TOX3: variants seen among roughly 807,000 people sequenced by gnomAD.
TOX3 encodes TOX high mobility group box family member 3.
In TOX3, 22 loss-of-function variants were observed where a neutral mutation model predicts 64.3. The ratio of observed to expected loss-of-function variants is 0.34; its 90% CI spans 0.24 to 0.49. TOX3 has a LOEUF of 0.49. Ranked by LOEUF, TOX3 falls within the 20% of genes least tolerant of loss-of-function variation. The probability of loss-of-function intolerance (pLI) is 0.99; values close to 1 mark genes in which losing one functional copy is unlikely to be tolerated. For missense variants in TOX3, 661 were observed against 714.4 expected (o/e 0.93, Z 0.85); for synonymous variants, 291 against 273.6 (o/e 1.06, Z -0.63).
chr16:52,440,791 C>G (rs1280398357), intron 6 of TOX3, among the ~76,000 whole-genome samples: 1 of 107,300 alleles, frequency 9.3e-6, no homozygotes, highest in Non-Finnish European at 1.7e-5. Flanking sequence ...GGTGGAGTCT[C>G]TCTCTGTCAC....
chr16:52,470,011 T>C (rs1284551469), intron 1 of TOX3, among the ~76,000 whole-genome samples: 2 of 152,176 alleles, frequency 1.3e-5, no homozygotes, highest in Non-Finnish European at 2.9e-5. Context: ...TTTAGGTAAA[T>C]ATCTTTATAA....
At chr16:52,481,123 T>A (rs1202171678) in intron 1 of TOX3, among the ~76,000 whole-genome samples, 3 of 152,218 alleles carry the variant, frequency 2.0e-5, no homozygotes, top group Non-Finnish European at 4.4e-5. Context: ...TATTTTACAA[T>A]AAATATTACA....
chr16:52,532,632 G>C (rs1293196109), intron 1 of TOX3, among the ~76,000 whole-genome samples: 3 of 152,192 alleles, frequency 2.0e-5, no homozygotes, highest in Admixed American at 1.3e-4. Flanking sequence ...ACAAAGTTTA[G>C]AGGCGGTTTA....
intron 1 of TOX3, among the ~76,000 whole-genome samples, chr16:52,477,073 T>C (rs1961228243): frequency 6.6e-6 from 1 of 152,206 alleles, no homozygotes; most frequent in Non-Finnish European, 1.5e-5. Context: ...GATCCCATCA[T>C]CTAGGTACTG....
At chr16:52,451,784 C>G (rs1960358456) in intron 3 of TOX3, among the ~76,000 whole-genome samples, 1 of 152,140 alleles carries the variant, frequency 6.6e-6, no homozygotes, top group African/African-American at 2.4e-5. Flanking sequence ...TTATGGTCTA[C>G]CCATACGTCA....
rs1959909217 is a variant in TOX3 at position 52,439,973 on chromosome 16, A to AT, written c.988-6dup. 6.5e-7 allele frequency: 1 copy of AT among 1,529,458 alleles called. No homozygotes were observed. Among genetic ancestry groups the AT allele is most frequent in the East Asian group, 2.3e-5 (1 of 44,108 alleles). 94.7% of individuals were successfully genotyped at this position (1,529,458 alleles called of 1,614,324 possible). A position where few individuals can be genotyped will look rare whatever the true frequency, so the allele number is the denominator to read the frequency against. On this transcript the variant is annotated splice_polypyrimidine_tract_variant and splice_region_variant and intron_variant, in intron 6 of 6. Transcript: ENST00000219746. ...TTCTGCTGACTCAGCAGCAGCCTGC[A>AT]TTTTGGGGGAGAAAATTCCAGACTG...
intron 4 of TOX3, among the ~76,000 whole-genome samples, chr16:52,446,732 T>G (rs1960175422): frequency 1.3e-5 from 2 of 152,162 alleles, no homozygotes; most frequent in African/African-American, 4.8e-5. Flanking sequence ...ACTTTGCTAA[T>G]GGCTCTCCAG....
chr16:52,536,889 G>A (rs1363125007), intron 1 of TOX3, among the ~76,000 whole-genome samples: 1 of 150,886 alleles, frequency 6.6e-6, no homozygotes, highest in Non-Finnish European at 1.5e-5. Flanking sequence ...ATACACATGT[G>A]TGCACATATT....
chr16:52,497,709 A>G (rs143422755), intron 1 of TOX3, among the ~76,000 whole-genome samples: 23 of 152,260 alleles, frequency 1.5e-4, no homozygotes, highest in African/African-American at 3.1e-4. Context: ...TAATAGCCCA[A>G]TGTTCAGATT....
At position 52,462,106 on chromosome 16, in the gene TOX3, T is replaced by A. The variant is rs141619678; in HGVS notation, c.408+1828A>T. On this transcript the variant is annotated intron_variant, in intron 3 of 6. Transcript: ENST00000219746. ...AAGCCAAAATAAATATCACTCAGGT[T>A]CAGCAAAACTTCAAAAAGGCACCAA... 9.9e-5 allele frequency among the ~76,000 whole-genome samples: 15 copies of A among 152,236 alleles called. No individual in the cohort carries two copies. In the East Asian group the frequency reaches 2.7e-3, roughly 27 times the overall value.
chr16:52,538,970 T>C (rs995260990), intron 1 of TOX3, among the ~76,000 whole-genome samples: 1 of 147,720 alleles, frequency 6.8e-6, no homozygotes, highest in Non-Finnish European at 1.5e-5. Context: ...AGGATTTTTC[T>C]TTTTTTTTTA....
intron 1 of TOX3, among the ~76,000 whole-genome samples, chr16:52,476,720 C>T (rs533254772): frequency 5.3e-5 from 8 of 152,182 alleles, no homozygotes; most frequent in African/African-American, 1.7e-4. Flanking sequence ...AAAGCCTTAC[C>T]AACACTTAAC....
intron 1 of TOX3, among the ~76,000 whole-genome samples, chr16:52,521,863 T>C (rs1300056691): frequency 6.6e-6 from 1 of 152,210 alleles, no homozygotes; most frequent in Non-Finnish European, 1.5e-5. Context: ...GTGACTCTCA[T>C]GCTCAGTGAA....
intron 1 of TOX3, among the ~76,000 whole-genome samples, chr16:52,499,314 G>A (rs1459570066): frequency 6.6e-6 from 1 of 152,214 alleles, no homozygotes; most frequent in African/African-American, 2.4e-5. Context: ...GCAAAACCCA[G>A]TCCTTGCAAA....
intron 1 of TOX3, among the ~76,000 whole-genome samples, chr16:52,510,759 C>CA (rs71376169): frequency 0.2 from 14,475 of 72,004 alleles, 2,189 homozygotes; most frequent in Non-Finnish European, 0.28. Context: ...GACCCTGTCT[C>CA]AAAAAAAAAA....
At chr16:52,467,266 A>G (rs1960897031) in intron 2 of TOX3, among the ~76,000 whole-genome samples, 1 of 152,106 alleles carries the variant, frequency 6.6e-6, no homozygotes, top group African/African-American at 2.4e-5. Flanking sequence ...GGGAAAAAAA[A>G]ATCCTACAGA....
At chr16:52,457,101 C>G (rs931959458) in intron 3 of TOX3, among the ~76,000 whole-genome samples, 6 of 152,118 alleles carry the variant, frequency 3.9e-5, no homozygotes, top group Non-Finnish European at 5.9e-5. Context: ...TGAGAAAACT[C>G]TACATATTTA....
At chr16:52,455,297 G>A (rs1330537615) in intron 3 of TOX3, among the ~76,000 whole-genome samples, 1 of 151,890 alleles carries the variant, frequency 6.6e-6, no homozygotes, top group Non-Finnish European at 1.5e-5. Context: ...ATCCTTTGTT[G>A]GGGGAGGGGC....
intron 1 of TOX3, among the ~76,000 whole-genome samples, chr16:52,469,098 T>G (rs549643396): frequency 5.9e-5 from 9 of 152,294 alleles, no homozygotes; most frequent in African/African-American, 2.2e-4. Context: ...AAGAATATTT[T>G]TAAAATCTCC....
Sources: gnomAD v4.1 joint callset for allele counts (sites outside exome capture counted in the v4.1 genomes callset) on GRCh38, gnomAD v4.1.1 for gene constraint, MANE v1.5 for transcripts, NCBI Gene and HGNC (gene_info 2026-07-23, HGNC 2026-07-21) for gene names.